Variants in SON observed in about 807,000 individuals in gnomAD.
The protein encoded by SON is protein SON.
In SON, 4 loss-of-function variants were observed where a neutral mutation model predicts 173.3. The ratio of observed to expected loss-of-function variants is 0.02; its 90% CI spans 0.01 to 0.05. The LOEUF is 0.05. SON is among the 10% of genes least tolerant of loss of function. The probability of loss-of-function intolerance (pLI) is 1.00; values close to 1 mark genes in which losing one functional copy is unlikely to be tolerated. For missense variants in SON, 2,626 were observed against 3,055.3 expected, an observed-to-expected ratio of 0.86 and a Z score of 3.31; for synonymous variants, 1,190 against 1,105.9, an observed-to-expected ratio of 1.08 and a Z score of -1.51.
Position 33,554,246 on chromosome 21 carries a change from A to ATAT in SON, c.5017_5018insTTA (p.Asn1672_Asn1673insIle). 1 of 1,614,174 alleles carries ATAT rather than the reference A, an allele frequency of 6.2e-7. No homozygotes were observed. The highest frequency in any genetic ancestry group is 8.5e-7 in the Non-Finnish European group (1 of 1,179,988). ...ATTCATCTTGATTTACCATCTAATA[A>ATAT]TAACCTTGTTAGTAAGGATACAGAA... On this transcript the variant is annotated inframe_insertion, in exon 3 of 12. Coordinates refer to ENST00000356577, the MANE Select transcript of SON (RefSeq NM_138927.4).
chr21:33,554,274 A>G lies in SON; in HGVS notation c.5043A>G (p.Glu1681=). Residue 1681 remains glutamate (E), a synonymous_variant, in exon 3 of 12, where the codon GAA becomes GAG. Coordinates refer to ENST00000356577, the MANE Select transcript of SON (RefSeq NM_138927.4). ...NNNLVSKDTE[E]PLPVKESDQT... ...ACCTTGTTAGTAAGGATACAGAAGA[A>G]CCATTACCTGTAAAAGAGAGTGACC... The G allele has an allele frequency of 6.2e-7, 1 of 1,614,156 alleles. No individual in the cohort carries two copies. The highest frequency in any genetic ancestry group is 8.5e-7 in the Non-Finnish European group (1 of 1,180,008).
At chr21:33,575,544 T>C (rs924409289) in intron 9 of SON, 52 bp from the exon 10 acceptor site, 1 of 1,394,352 alleles carries the variant, frequency 7.2e-7, no homozygotes, top group African/African-American at 1.4e-5. Flanking sequence ...GAGGGATCTT[T>C]GTTTTAAAGT....
Position 33,554,741 on chromosome 21 carries a change from G to T in SON, c.5510G>T (p.Arg1837Leu). The change falls in exon 3 of 12, where the codon CGC becomes CTC. Residue 1837 changes from arginine to leucine, a missense_variant. This residue lies in a region of SON where 1,006 missense variants were observed against 895.6 expected (regional missense o/e 1.12). Coordinates refer to ENST00000356577, the MANE Select transcript of SON (RefSeq NM_138927.4). ...TCCAAATCTTCTGAACACAAATCAC[G>T]CAAGCGTACCAGTGAATCTCGTTCT... ...KRSKSSEHKS[R>L]KRTSESRSRA... The T allele has an allele frequency of 6.2e-7, 1 of 1,613,838 alleles. No homozygotes were observed. The highest frequency in any genetic ancestry group is 8.5e-7 in the Non-Finnish European group (1 of 1,180,026).
Position 33,554,261 on chromosome 21 carries a change from A to T in SON, c.5030A>T (p.Lys1677Met), listed in dbSNP as rs2085899441. 5 of 1,614,140 alleles carry T rather than the reference A, an allele frequency of 3.1e-6. No homozygotes were observed. In the East Asian group the frequency reaches 1.1e-4, roughly 36 times the overall value. ...CCATCTAATAATAACCTTGTTAGTA[A>T]GGATACAGAAGAACCATTACCTGTA... ...DLPSNNNLVS[K>M]DTEEPLPVKE... Residue 1677 changes from lysine to methionine, a missense_variant, in exon 3 of 12, where the codon AAG (lysine) becomes ATG (methionine). By Grantham distance (95) the Lys-to-Met change is moderately conservative. Around this residue, in one of 13 missense-constraint regions of SON, gnomAD observed 1,006 missense variants for 895.6 expected, o/e 1.12. Coordinates refer to ENST00000356577, the MANE Select transcript of SON (RefSeq NM_138927.4).
Position 33,555,140 on chromosome 21 carries a change from G to A in SON, c.5909G>A (p.Arg1970His). The A allele has an allele frequency of 6.8e-7, 1 of 1,477,970 alleles. No individual in the cohort carries two copies. 91.6% of individuals were successfully genotyped at this position (1,477,970 alleles called of 1,614,324 possible). A position where few individuals can be genotyped will look rare whatever the true frequency, so the allele number is the denominator to read the frequency against. Residue 1970 changes from arginine (R) to histidine (H), a missense_variant, in exon 3 of 12, where the codon CGC (arginine) becomes CAC (histidine). This residue lies in a region of SON where 138 missense variants were observed against 222.9 expected (regional missense o/e 0.62). Coordinates refer to ENST00000356577, the MANE Select transcript of SON (RefSeq NM_138927.4). The part of the protein sequence containing the change: ...PSRRSRTPSR[R>H]SRTPSRRSRT... The stretch of plus-strand genomic sequence containing the variant: ...CGCCGCAGCCGCACCCCCAGCCGCC[G>A]CAGCCGCACCCCCAGCCGCCGCAGC...
At chr21:33,574,180 TGA>T (rs1384558854) in intron 9 of SON, among the ~76,000 whole-genome samples, 1 of 152,238 alleles carries the variant, frequency 6.6e-6, no homozygotes, top group Non-Finnish European at 1.5e-5. Flanking sequence ...AGTGGAATCA[TGA>T]GAGGCTTGCC....
chr21:33,558,756 G>C (rs972354396), intron 4 of SON: 2 of 151,966 alleles, frequency 1.3e-5, no homozygotes, highest in South Asian at 4.1e-4. Context: ...ACTCTTCAAG[G>C]AATATTCCTT....
chr21:33,553,935 C>T lies in SON; in HGVS notation c.4704C>T (p.Pro1568=). ...AAATTGGTGAAGAGAAAATTTTGCCCACCAGTGAGACTAAACAGCGCACAG... is the reference window on the plus strand; with the variant it reads ...AAATTGGTGAAGAGAAAATTTTGCCTACCAGTGAGACTAAACAGCGCACAG... The part of the protein sequence containing the change: ...VGEIGEEKIL[P]TSETKQRTVL... The change falls in exon 3 of 12, where the codon CCC becomes CCT. Residue 1568 remains proline, a synonymous_variant. Transcript: ENST00000356577. 6.2e-7 allele frequency: 1 copy of T among 1,614,072 alleles called. No individual in the cohort carries two copies. Among genetic ancestry groups the T allele is most frequent in the African/African-American group, 1.3e-5 (1 of 75,012 alleles).
intron 9 of SON, among the ~76,000 whole-genome samples, chr21:33,573,952 C>G (rs1219828623): frequency 6.6e-6 from 1 of 152,122 alleles, no homozygotes; most frequent in African/African-American, 2.4e-5. Context: ...TATAGTAGAC[C>G]AGCTGCTGAC....
At chr21:33,576,089 A>G (rs1412492067) in intron 11 of SON, among the ~76,000 whole-genome samples, 196 bp downstream of exon 11, 1 of 152,106 alleles carries the variant, frequency 6.6e-6, no homozygotes, top group East Asian at 1.9e-4. Flanking sequence ...AAAAAATTGG[A>G]AAAGGGTAAA....
chr21:33,575,957 G>A, intron 11 of SON, 64 bp downstream of exon 11: 1 of 764,808 alleles, frequency 1.3e-6, no homozygotes, highest in Non-Finnish European at 2.1e-6. Context: ...AGGGTGAGGG[G>A]TAAACATGAT....
intron 7 of SON, among the ~76,000 whole-genome samples, chr21:33,568,003 G>T (rs556973548): frequency 6.6e-6 from 1 of 152,296 alleles, no homozygotes; most frequent in East Asian, 1.9e-4. Flanking sequence ...TGAATCTGGA[G>T]TCTGTGCTTT....
At chr21:33,569,578 C>T (rs1394946580) in intron 8 of SON, 1 of 461,532 alleles carries the variant, frequency 2.2e-6, no homozygotes, top group East Asian at 7.5e-5. Context: ...TTCATTAGTG[C>T]CTGTGCCTTC....
At chr21:33,562,878 T>C (rs893272366) in intron 6 of SON, among the ~76,000 whole-genome samples, 1 of 152,158 alleles carries the variant, frequency 6.6e-6, no homozygotes, top group Non-Finnish European at 1.5e-5. Context: ...TACTCAACTA[T>C]TAGTGTGGAG....
chr21:33,576,758 T>C lies in SON; in HGVS notation c.*334T>C. On this transcript the variant is annotated 3_prime_UTR_variant, in exon 12 of 12. Transcript: ENST00000356577. ...TAACCATACAGGGTTTTGGTATGTTTATATTGTTTACCTTAGTGATGTATT... is the reference window on the plus strand; with the variant it reads ...TAACCATACAGGGTTTTGGTATGTTCATATTGTTTACCTTAGTGATGTATT... The C allele has an allele frequency of 2.4e-6, 1 of 415,776 alleles. No homozygotes were observed. Among genetic ancestry groups the C allele is most frequent in the South Asian group, 2.2e-5 (1 of 45,278 alleles). The allele number at this position is 415,776 out of a possible 1,614,324, so 25.8% of individuals were successfully genotyped here.
In SON at chr21:33,550,120, G is replaced by A; in HGVS notation, c.889G>A (p.Ala297Thr). 1 of 1,614,162 alleles carries A rather than the reference G, an allele frequency of 6.2e-7. No homozygotes were observed. Among genetic ancestry groups the A allele is most frequent in the East Asian group, 2.2e-5 (1 of 44,888 alleles). The change falls in exon 3 of 12, where the codon GCA becomes ACA. Residue 297 changes from alanine to threonine, a missense_variant. By Grantham distance (58) the Ala-to-Thr change is moderately conservative (BLOSUM62 0). Coordinates refer to ENST00000356577, the MANE Select transcript of SON (RefSeq NM_138927.4). ...GATCATGTTGGTAGAGCCCCCAGTA[G>A]CAAAAGTGTTAGAGCCTTCAGAAAC... Reference protein sequence around the residue: ...SKIMLVEPPVAKVLEPSETLV... With the variant: ...SKIMLVEPPVTKVLEPSETLV...
chr21:33,543,479 C>T (rs1192308674), intron 1 of SON: 8 of 404,980 alleles, frequency 2.0e-5, no homozygotes, highest in East Asian at 5.2e-5. Context: ...CCCGGTTGTC[C>T]GCCAGGGACG....
chr21:33,576,867 T>A lies in SON; in HGVS notation c.*443T>A, dbSNP rs2086412640. On this transcript the variant is annotated 3_prime_UTR_variant, in exon 12 of 12. Coordinates refer to ENST00000356577, the MANE Select transcript of SON (RefSeq NM_138927.4). ...GGAATGTTAAATAACGCTTTTATAC[T>A]GTATTTTGTACTATGATGTAACTCC... 3.3e-6 allele frequency: 1 copy of A among 299,182 alleles called. No individual in the cohort carries two copies. The highest frequency in any genetic ancestry group is 6.7e-6 in the Non-Finnish European group (1 of 149,384). 18.5% of individuals were successfully genotyped at this position (299,182 alleles called of 1,614,324 possible). A position where few individuals can be genotyped will look rare whatever the true frequency, so the allele number is the denominator to read the frequency against.
intron 6 of SON, among the ~76,000 whole-genome samples, chr21:33,565,971 TATTCTC>T (rs1451569931): frequency 1.3e-5 from 2 of 152,188 alleles, no homozygotes; most frequent in African/African-American, 2.4e-5. Context: ...GAGTTATAAT[TATTCTC>T]ATAGTCATAC....
Sources: gnomAD v4.1 joint callset for allele counts (sites outside exome capture counted in the v4.1 genomes callset) on GRCh38, gnomAD v4.1.1 for gene constraint, gnomAD v4.1.1 regional missense constraint, MANE v1.5 for transcripts, NCBI Gene and HGNC (gene_info 2026-07-23, HGNC 2026-07-21) for gene names.